Variants in EDDM13 observed in about 807,000 individuals in gnomAD.
EDDM13 encodes epididymal protein 13.
Under a neutral mutation model 17.8 loss-of-function variants are expected in EDDM13, and 24 were observed. The ratio of observed to expected loss-of-function variants is 1.35; its 90% CI spans 0.98 to 1.90. The LOEUF is 1.90. Ranked by LOEUF, EDDM13 falls within the 40% of genes most tolerant of loss-of-function variation. The pLI is 0.00. For synonymous variants in EDDM13, 31 were observed against 37.5 expected (o/e 0.83, Z 0.63); for missense variants, 97 against 100.8 (o/e 0.96, Z 0.16).
chr19:56,292,471 T>TA (rs55843411), intron 9 of EDDM13, among the ~76,000 whole-genome samples: 2 of 151,488 alleles, frequency 1.3e-5, no homozygotes, highest in African/African-American at 2.4e-5. Flanking sequence ...TTTTTTTTTT[T>TA]ACTTTTTTGT....
rs897734475 is a variant in EDDM13 at position 56,294,401 on chromosome 19, C to T, written c.233-1558C>T. Among the ~76,000 whole-genome samples, 4 of 152,212 alleles carry T rather than the reference C, an allele frequency of 2.6e-5. No homozygotes were observed. In the East Asian group the frequency reaches 7.7e-4, roughly 29 times the overall value. ...TGTGGGCGTAACTTACCCAAACTCC[C>T]TTAGATTCTATTTTCCTACCTGATT... On this transcript the variant is annotated intron_variant, in intron 9 of 14. Transcript: ENST00000649256.
intron 2 of EDDM13, among the ~76,000 whole-genome samples, chr19:56,279,267 A>T (rs1048281439): frequency 3.9e-5 from 6 of 152,170 alleles, no homozygotes; most frequent in African/African-American, 1.4e-4. Context: ...GTCACATGGA[A>T]GGGAAAAAGA....
chr19:56,309,980 G>A (rs776475150), intron 14 of EDDM13, 144 bp from the exon 15 acceptor site: 1 of 152,430 alleles, frequency 6.6e-6, no homozygotes, highest in African/African-American at 2.4e-5. Flanking sequence ...TGGGGAGAAT[G>A]GGCTAAGCTG....
intron 6 of EDDM13, among the ~76,000 whole-genome samples, 62 bp from the exon 7 acceptor site, chr19:56,288,323 C>G (rs1032761054): frequency 6.6e-6 from 1 of 152,176 alleles, no homozygotes; most frequent in South Asian, 2.1e-4. Context: ...CCTCTGTCTG[C>G]GACACTTTCC....
intron 6 of EDDM13, among the ~76,000 whole-genome samples, chr19:56,286,010 A>G (rs1025583758): frequency 1.3e-5 from 2 of 151,916 alleles, no homozygotes; most frequent in African/African-American, 4.8e-5. Context: ...GCAGCATGGG[A>G]TATTATCTAA....
At chr19:56,285,879 A>G (rs949095723) in intron 6 of EDDM13, among the ~76,000 whole-genome samples, 1 of 152,132 alleles carries the variant, frequency 6.6e-6, no homozygotes, top group Admixed American at 6.5e-5. Context: ...CCTATCTGTT[A>G]AGTTCCTAAA....
rs567825869 is a variant in EDDM13, at chr19:56,304,758, C to A, written c.424-35C>A. ...TTCACTCGCCTCACCCCAACTGTTT[C>A]TTTCTCTGTTCCCAGTTCACTTTTT... On this transcript the variant is annotated intron_variant, in intron 13 of 14. Coordinates refer to ENST00000649256, the MANE Select transcript of EDDM13 (RefSeq NM_001354658.2). 2.0e-5 allele frequency: 20 copies of A among 984,892 alleles called. No individual in the cohort carries two copies. The Admixed American group carries it at 6.1e-4, about 30-fold the overall frequency. The allele number at this position is 984,892 out of a possible 1,614,324, so 61.0% of individuals were successfully genotyped here.
rs2038720563 is a variant in EDDM13, at chr19:56,281,710, C to T, written c.109+12C>T. 1.0e-6 allele frequency: 1 copy of T among 985,238 alleles called. No homozygotes were observed. Among genetic ancestry groups the T allele is most frequent in the Non-Finnish European group, 1.2e-6 (1 of 829,860 alleles). The allele number at this position is 985,238 out of a possible 1,614,324, so 61.0% of individuals were successfully genotyped here. Reference sequence around the variant, plus strand: ...CCTTCCAGTCAACTGTAAGTCATATCTCCTTCTCCCTACATAAATGGGGAG... The same window carrying T: ...CCTTCCAGTCAACTGTAAGTCATATTTCCTTCTCCCTACATAAATGGGGAG... On this transcript the variant is annotated intron_variant, in intron 3 of 14. Transcript: ENST00000649256.
At chr19:56,275,909 A>T (rs1232421000) in intron 1 of EDDM13, among the ~76,000 whole-genome samples, 183 bp from the exon 2 acceptor site, 1 of 152,212 alleles carries the variant, frequency 6.6e-6, no homozygotes, top group Non-Finnish European at 1.5e-5. Context: ...TTATCGATGG[A>T]TGGATGGGCT....
intron 13 of EDDM13, chr19:56,302,768 GC>G (rs896980057): frequency 1.7e-4 from 65 of 380,066 alleles, no homozygotes; most frequent in Non-Finnish European, 2.3e-4. Context: ...CACTAACACA[GC>G]CCCAGGGGCT....
chr19:56,307,360 T>C lies in EDDM13; in HGVS notation c.461+2530T>C, dbSNP rs147292470. On this transcript the variant is annotated intron_variant, in intron 14 of 14. Transcript: ENST00000649256. ...ACCAGTGGAAACTCACCAACTATGA[T>C]GAGTGTCTTTCAAACTTTAAAAGAA... Among the ~76,000 whole-genome samples the C allele has an allele frequency of 1.1e-3, 166 of 152,318 alleles. 4 individuals are homozygous for C. In the East Asian group the frequency reaches 0.022, roughly 20 times the overall value.
chr19:56,287,561 C>T (rs770033621), intron 6 of EDDM13, among the ~76,000 whole-genome samples: 7 of 152,148 alleles, frequency 4.6e-5, no homozygotes, highest in South Asian at 2.1e-4. Context: ...GGAATGCAGC[C>T]GGACTTTATA....
rs967053579 is a variant in EDDM13, at chr19:56,276,640, G to A, written c.103+531G>A. On this transcript the variant is annotated intron_variant, in intron 2 of 14. Transcript: ENST00000649256. ...CAACCTCTGCCTCCTGGGTTCAAGC[G>A]ATTCTCCTGCCTCAGCCTCCCGAGT... is the stretch of plus-strand genomic sequence containing the variant. Among the ~76,000 whole-genome samples the A allele has an allele frequency of 2.5e-4, 38 of 151,846 alleles. 1 individual carries two copies. The highest frequency in any genetic ancestry group is 7.2e-4 in the Admixed American group (11 of 15,220).
chr19:56,294,092 T>C (rs1192414843), intron 9 of EDDM13, among the ~76,000 whole-genome samples: 1 of 152,010 alleles, frequency 6.6e-6, no homozygotes, highest in East Asian at 1.9e-4. Flanking sequence ...CTTTGCAAAC[T>C]GAAAGCAGAC....
intron 6 of EDDM13, among the ~76,000 whole-genome samples, chr19:56,285,758 C>T (rs1250320035): frequency 6.6e-6 from 1 of 151,688 alleles, no homozygotes; most frequent in Non-Finnish European, 1.5e-5. Context: ...GGATTACAGG[C>T]ATGAGCCATC....
rs75368210 is a variant in EDDM13, at chr19:56,272,936, T to C, written c.85+17T>C. 1,087 of 974,556 alleles carry C rather than the reference T, an allele frequency of 1.1e-3. 10 individuals carry two copies. The African/African-American group carries it at 0.017, about 16-fold the overall frequency. 60.4% of individuals were successfully genotyped at this position (974,556 alleles called of 1,614,324 possible). On this transcript the variant is annotated intron_variant, in intron 1 of 14. Coordinates refer to ENST00000649256, the MANE Select transcript of EDDM13 (RefSeq NM_001354658.2). Reference sequence around the variant, plus strand: ...CTCGTGAAGGTAATGCTTCCAGCCATGCCTTGTGTCCTCTATGTATTTTCT... The same window carrying C: ...CTCGTGAAGGTAATGCTTCCAGCCACGCCTTGTGTCCTCTATGTATTTTCT...
chr19:56,287,944 ACT>A (rs2039250191), intron 6 of EDDM13, among the ~76,000 whole-genome samples: 1 of 151,996 alleles, frequency 6.6e-6, no homozygotes, highest in South Asian at 2.1e-4. Flanking sequence ...TAGCTCTGAA[ACT>A]CTCGCATCCT....
intron 14 of EDDM13, among the ~76,000 whole-genome samples, chr19:56,307,802 C>T (rs929133315): frequency 2.6e-5 from 4 of 152,318 alleles, no homozygotes; most frequent in Admixed American, 2.0e-4. Flanking sequence ...TTTGGGTACA[C>T]ACCTATTTTA....
At chr19:56,285,343 T>C (rs965031327) in intron 6 of EDDM13, among the ~76,000 whole-genome samples, 2 of 152,254 alleles carry the variant, frequency 1.3e-5, no homozygotes, top group Admixed American at 1.3e-4. Flanking sequence ...CTCTGCTCTC[T>C]AGAAGCAAGC....
Sources: gnomAD v4.1 joint callset for allele counts (sites outside exome capture counted in the v4.1 genomes callset) on GRCh38, gnomAD v4.1.1 for gene constraint, MANE v1.5 for transcripts, NCBI Gene and HGNC (gene_info 2026-07-23, HGNC 2026-07-21) for gene names.